Variants in RAB11FIP1 observed in about 807,000 individuals in gnomAD.
RAB11FIP1 encodes RAB11 family interacting protein 1.
In RAB11FIP1, 49 loss-of-function variants were observed where a neutral mutation model predicts 83.1. The ratio of observed to expected loss-of-function variants is 0.59; its 90% CI spans 0.47 to 0.75. RAB11FIP1 has a LOEUF of 0.75. RAB11FIP1 is among the 30% of genes least tolerant of loss of function. The pLI, the probability that RAB11FIP1 is intolerant of heterozygous loss-of-function variation, is 0.00. For missense variants in RAB11FIP1, 1,536 were observed against 1,598.7 expected (o/e 0.96, Z 0.67); for synonymous variants, 670 against 656.0 (o/e 1.02, Z -0.33).
At chr8:37,896,170 C>T (rs1285750093) in intron 1 of RAB11FIP1, among the ~76,000 whole-genome samples, 1 of 151,962 alleles carries the variant, frequency 6.6e-6, no homozygotes, top group Non-Finnish European at 1.5e-5. Flanking sequence ...ATTAGCCGGA[C>T]ATGGTGGCGG....
intron 4 of RAB11FIP1, chr8:37,870,903 C>G (rs1314827018): frequency 3.5e-6 from 1 of 285,582 alleles, no homozygotes; most frequent in Non-Finnish European, 6.5e-6. Context: ...CAGCTCAAAA[C>G]AAACATACAA....
At chr8:37,866,321 C>A (rs866714344) in intron 5 of RAB11FIP1, among the ~76,000 whole-genome samples, 12 of 149,674 alleles carry the variant, frequency 8.0e-5, no homozygotes, top group African/African-American at 2.7e-4. Flanking sequence ...GGCAACAGTG[C>A]GAGACCCCAT....
At chr8:37,871,211 C>T (rs928253043) in intron 4 of RAB11FIP1, 67 bp downstream of exon 4, 3 of 1,529,866 alleles carry the variant, frequency 2.0e-6, no homozygotes, top group Non-Finnish European at 2.6e-6. Context: ...AAGCCGTAAC[C>T]TCTGCAGGTA....
rs767753565 is a variant in RAB11FIP1 at position 37,871,691 on chromosome 8, T to A, written c.3111A>T (p.Ala1037=). The A allele has an allele frequency of 6.2e-7, 1 of 1,613,916 alleles. No individual in the cohort carries two copies. The highest frequency in any genetic ancestry group is 8.5e-7 in the Non-Finnish European group (1 of 1,180,032). The change falls in exon 4 of 6, where the codon GCA becomes GCT. Residue 1037 remains alanine, a synonymous_variant. Transcript: ENST00000330843. ...TCTGCTCTGAAGGAGCTGTCACAGA[T>A]GCCTGGGGTGCTTGCAGCCTGAAAT... ...LCDFRLQAPQ[A]SVTAPSEQTT...
At chr8:37,897,365 AAC>A (rs1807109859) in intron 1 of RAB11FIP1, among the ~76,000 whole-genome samples, 1 of 151,124 alleles carries the variant, frequency 6.6e-6, no homozygotes, top group Non-Finnish European at 1.5e-5. Context: ...GTATATCTAA[AAC>A]ACACAAAGCA....
At chr8:37,879,929 C>T (rs1426449021) in intron 1 of RAB11FIP1, among the ~76,000 whole-genome samples, 4 of 151,852 alleles carry the variant, frequency 2.6e-5, no homozygotes, top group Admixed American at 6.6e-5. Context: ...TATATTTTAC[C>T]ACAATAAAAA....
Position 37,862,490 on chromosome 8 carries a change from C to T in RAB11FIP1, c.*405G>A, listed in dbSNP as rs1806256816. The T allele has an allele frequency of 5.9e-6, 1 of 168,310 alleles. No homozygotes were observed. Among genetic ancestry groups the T allele is most frequent in the South Asian group, 1.5e-4 (1 of 6,632 alleles). 10.4% of individuals were successfully genotyped at this position (168,310 alleles called of 1,614,324 possible). ...CGCATGGTCCTTTTCTCATTTAAAG[C>T]TTTCTCAGGTAAGCTTTAAGAGCTG... On this transcript the variant is annotated 3_prime_UTR_variant, in exon 6 of 6. Transcript: ENST00000330843.
In RAB11FIP1 at chr8:37,871,548, G is replaced by A. The variant is rs142206758; in HGVS notation, c.3254C>T (p.Pro1085Leu). ...EKPMGNGSPS[P>L]PPGTSLDNPV... ...ATTGTCCAGGGATGTGCCAGGAGGC[G>A]GGCTTGGACTCCCATTTCCCATCGG... The change falls in exon 4 of 6, where the codon CCG becomes CTG. Residue 1085 changes from proline to leucine, a missense_variant. Pro to Leu is a moderately conservative substitution (Grantham distance 98). Transcript: ENST00000330843. 8.7e-6 allele frequency: 14 copies of A among 1,600,590 alleles called. 1 individual carries two copies. Among genetic ancestry groups the A allele is most frequent in the African/African-American group, 5.4e-5 (4 of 74,472 alleles).
chr8:37,899,278 G>A lies in RAB11FIP1; in HGVS notation c.164C>T (p.Ser55Phe). ...CGCGCCCAGGCTGCGCTCCGACACG[G>A]AGGTGGCGTACTTCTCCTTGCCCAC... ...IQVGKEKYATSVSERSLGAPV... is the reference protein window; with the variant it reads ...IQVGKEKYATFVSERSLGAPV... The change falls in exon 1 of 6, where the codon TCC becomes TTC. Residue 55 changes from serine to phenylalanine, a missense_variant. Physicochemically the swap from Ser to Phe is radical, Grantham distance 155. Coordinates refer to ENST00000330843, the MANE Select transcript of RAB11FIP1 (RefSeq NM_001002814.3). The surrounding 1 kb of genome is among the most constrained non-coding windows in gnomAD (Gnocchi z 4.5). 6.2e-7 allele frequency: 1 copy of A among 1,608,406 alleles called. No individual in the cohort carries two copies. The highest frequency in any genetic ancestry group is 8.5e-7 in the Non-Finnish European group (1 of 1,178,666).
intron 5 of RAB11FIP1, among the ~76,000 whole-genome samples, chr8:37,866,736 C>T (rs1489561318): frequency 6.6e-6 from 1 of 151,930 alleles, no homozygotes; most frequent in Non-Finnish European, 1.5e-5. Flanking sequence ...TTTAGCTATG[C>T]AATTTCTTTC....
At chr8:37,890,669 G>A (rs1806930238) in intron 1 of RAB11FIP1, among the ~76,000 whole-genome samples, 1 of 152,048 alleles carries the variant, frequency 6.6e-6, no homozygotes, top group African/African-American at 2.4e-5. Flanking sequence ...GTACTCAGGA[G>A]GCTGAGGAAG....
intron 1 of RAB11FIP1, 38 bp from the exon 2 acceptor site, chr8:37,877,589 A>C (rs370607813): frequency 6.5e-5 from 86 of 1,332,048 alleles, no homozygotes; most frequent in Non-Finnish European, 5.7e-5. Flanking sequence ...CTTTGAATGG[A>C]AGCAACTGCA....
intron 5 of RAB11FIP1, among the ~76,000 whole-genome samples, chr8:37,870,081 G>A (rs1260666872): frequency 1.3e-5 from 2 of 151,916 alleles, no homozygotes; most frequent in Admixed American, 6.6e-5. Flanking sequence ...AGGATCACTT[G>A]AGCCCAGGAT....
intron 2 of RAB11FIP1, 116 bp downstream of exon 2, chr8:37,876,993 G>C: frequency 1.3e-6 from 1 of 794,616 alleles, no homozygotes; most frequent in Non-Finnish European, 2.0e-6. Flanking sequence ...CCATGATTTT[G>C]TAATTGAGGA....
At position 37,871,915 on chromosome 8, in the gene RAB11FIP1, G is replaced by C. The variant is rs1806473770; in HGVS notation, c.2887C>G (p.Pro963Ala). The C allele has an allele frequency of 6.2e-7, 1 of 1,614,062 alleles. No individual in the cohort carries two copies. Among genetic ancestry groups the C allele is most frequent in the African/African-American group, 1.3e-5 (1 of 74,926 alleles). The change falls in exon 4 of 6, where the codon CCT becomes GCT. Residue 963 changes from proline (P) to alanine (A), a missense_variant. Transcript: ENST00000330843. ...ADLNLSLPSI[P>A]EVASDDERID... ...CTTTCATCATCCGATGCGACTTCAG[G>C]AATGGAAGGAAGGCTTAAGTTCAGA...
chr8:37,876,139 G>A (rs528296587), intron 2 of RAB11FIP1, among the ~76,000 whole-genome samples: 2 of 151,916 alleles, frequency 1.3e-5, no homozygotes, highest in South Asian at 2.1e-4. Context: ...AAGTTGCAAA[G>A]AGCCAAGATC....
Position 37,861,544 on chromosome 8 carries a change from CT to C in RAB11FIP1, c.*1350del, listed in dbSNP as rs962883981. ...TGTCCCCTGTAGAGTGAAGGGGCTT[CT>C]TTTTTTCTTTTTAGTTTTTTTTAAG... On this transcript the variant is annotated 3_prime_UTR_variant, in exon 6 of 6. Coordinates refer to ENST00000330843, the MANE Select transcript of RAB11FIP1 (RefSeq NM_001002814.3). 2 of 442,794 alleles carry C rather than the reference CT, an allele frequency of 4.5e-6. No individual in the cohort carries two copies. The highest frequency in any genetic ancestry group is 1.6e-5 in the South Asian group (1 of 61,768). The allele number at this position is 442,794 out of a possible 1,614,324, so 27.4% of individuals were successfully genotyped here. A position where few individuals can be genotyped will look rare whatever the true frequency, so the allele number is the denominator to read the frequency against.
chr8:37,895,217 CAATATATATATA>C (rs1316881953), intron 1 of RAB11FIP1, among the ~76,000 whole-genome samples: 1 of 32,632 alleles, frequency 3.1e-5, no homozygotes, highest in African/African-American at 1.2e-4. Flanking sequence ...AGGTGCCTGC[CAATATATATATA>C]TATATATATA....
At chr8:37,880,982 C>T (rs1415059309) in intron 1 of RAB11FIP1, among the ~76,000 whole-genome samples, 1 of 152,226 alleles carries the variant, frequency 6.6e-6, no homozygotes, top group Non-Finnish European at 1.5e-5. Flanking sequence ...ACAACTTCCT[C>T]TTTCACCTTC....
Sources: allele counts gnomAD v4.1 joint callset (sites outside exome capture counted in the v4.1 genomes callset), GRCh38; gene constraint gnomAD v4.1.1; non-coding constraint Gnocchi (gnomAD v3.1); transcripts MANE v1.5; gene names NCBI Gene and HGNC (gene_info 2026-07-23, HGNC 2026-07-21).